ZNF606: variants seen among roughly 807,000 people sequenced by gnomAD.
The protein encoded by ZNF606 is zinc finger protein 606.
ZNF606 carries 37 observed loss-of-function variants against 74.9 expected under a neutral mutation model. The ratio of observed to expected loss-of-function variants is 0.49; its 90% CI spans 0.38 to 0.65. The LOEUF is 0.65. ZNF606 is among the 30% of genes least tolerant of loss of function. ZNF606 has a pLI of 0.00. For synonymous variants in ZNF606, 328 were observed against 312.4 expected, an observed-to-expected ratio of 1.05 and a Z score of -0.53; for missense variants, 852 against 952.9, an observed-to-expected ratio of 0.89 and a Z score of 1.39.
At position 57,979,739 on chromosome 19, in the gene ZNF606, T is replaced by C. The variant is rs1191556658; in HGVS notation, c.941A>G (p.Glu314Gly). 1.2e-6 allele frequency: 2 copies of C among 1,613,374 alleles called. No individual in the cohort carries two copies. The highest frequency in any genetic ancestry group is 1.7e-6 in the Non-Finnish European group (2 of 1,179,922). The change falls in exon 7 of 7, where the codon GAA becomes GGA. Residue 314 changes from glutamate (E) to glycine (G), a missense_variant. By Grantham distance (98) the Glu-to-Gly change is moderately conservative (BLOSUM62 -2). Around this residue, in one of 3 missense-constraint regions of ZNF606, gnomAD observed 545 missense variants for 542.5 expected, o/e 1.00. Transcript: ENST00000551380. ...FGDHKGIHTGEKLYEYKECHQ... is the reference protein window; with the variant it reads ...FGDHKGIHTGGKLYEYKECHQ... Reference sequence around the variant, plus strand: ...GCATTCCTTATATTCATAGAGTTTTTCTCCTGTGTGAATTCCTTTATGATC... The same window carrying C: ...GCATTCCTTATATTCATAGAGTTTTCCTCCTGTGTGAATTCCTTTATGATC...
At chr19:57,987,676 A>C (rs2073184794) in intron 6 of ZNF606, among the ~76,000 whole-genome samples, 1 of 151,944 alleles carries the variant, frequency 6.6e-6, no homozygotes, top group South Asian at 2.1e-4. Flanking sequence ...AAAAATACAA[A>C]AACTAGCCAG....
At chr19:57,989,597 C>T (rs908335077) in intron 4 of ZNF606, among the ~76,000 whole-genome samples, 7 of 151,892 alleles carry the variant, frequency 4.6e-5, no homozygotes, top group African/African-American at 1.4e-4. Context: ...TAGGCGTGCA[C>T]CACCCCGCCT....
chr19:57,988,760 C>A (rs372293302), intron 4 of ZNF606, 39 bp from the exon 5 acceptor site: 310 of 1,612,674 alleles, frequency 1.9e-4, no homozygotes, highest in Non-Finnish European at 2.5e-4. Flanking sequence ...CCTGTGACCA[C>A]CCCCTCCAAT....
At chr19:57,990,539 CAAAAAAAAAA>C (rs1028844010) in intron 4 of ZNF606, among the ~76,000 whole-genome samples, 1 of 51,932 alleles carries the variant, frequency 1.9e-5, no homozygotes, top group South Asian at 6.5e-4. Flanking sequence ...AACCCAGTCT[CAAAAAAAAAA>C]AAAAAAAAAA....
At chr19:57,988,099 G>A (rs966352692) in intron 6 of ZNF606, 108 bp downstream of exon 6, 17 of 793,106 alleles carry the variant, frequency 2.1e-5, no homozygotes, top group Non-Finnish European at 3.3e-5. Flanking sequence ...CTCCTTAGAG[G>A]GAATTCTAAA....
upstream of ZNF606, chr19:58,002,926 T>G (rs2073467546): frequency 4.4e-6 from 2 of 450,642 alleles, no homozygotes; most frequent in South Asian, 1.6e-5. Context: ...CGCCTCGCCC[T>G]GCCTGGGCGG....
At chr19:57,997,948 G>A (rs1412361907) in intron 4 of ZNF606, 2 of 152,158 alleles carry the variant, frequency 1.3e-5, no homozygotes, top group South Asian at 2.1e-4. Flanking sequence ...CTGGACCAGG[G>A]ATAGCAACAC....
At chr19:57,991,469 C>T (rs574247889) in intron 4 of ZNF606, among the ~76,000 whole-genome samples, 1 of 152,262 alleles carries the variant, frequency 6.6e-6, no homozygotes, top group African/African-American at 2.4e-5. Context: ...TTGATGACTA[C>T]TGTTTCTACA....
At chr19:57,990,590 C>T (rs2073243684) in intron 4 of ZNF606, among the ~76,000 whole-genome samples, 1 of 150,110 alleles carries the variant, frequency 6.7e-6, no homozygotes, top group South Asian at 2.1e-4. Context: ...GCTCAACAGA[C>T]ACGTGTGCAG....
chr19:57,999,713 A>C (rs2073387903), intron 4 of ZNF606, 95 bp downstream of exon 4: 2 of 1,320,778 alleles, frequency 1.5e-6, no homozygotes, highest in South Asian at 2.4e-5. Context: ...TCCCTACCCA[A>C]ACTCCAACTG....
In ZNF606 at chr19:57,977,358, C is replaced by A. The variant is rs2073005720; in HGVS notation, c.*943G>T. Reference sequence around the variant, plus strand: ...CACTTGGAAAGCATTTAAAAGAAAGCCCAGCACATAAGTGTTATATGTATT... The same window carrying A: ...CACTTGGAAAGCATTTAAAAGAAAGACCAGCACATAAGTGTTATATGTATT... On this transcript the variant is annotated 3_prime_UTR_variant, in exon 7 of 7. Transcript: ENST00000551380. 1 of 152,146 alleles carries A rather than the reference C, an allele frequency of 6.6e-6. No homozygotes were observed. The highest frequency in any genetic ancestry group is 2.1e-4 in the South Asian group (1 of 4,822). 9.4% of individuals were successfully genotyped at this position (152,146 alleles called of 1,614,324 possible). A position where few individuals can be genotyped will look rare whatever the true frequency, so the allele number is the denominator to read the frequency against.
chr19:57,978,736 T>C lies in ZNF606; in HGVS notation c.1944A>G (p.Gly648=). 2 of 1,614,210 alleles carry C rather than the reference T, an allele frequency of 1.2e-6. No individual in the cohort carries two copies. Among genetic ancestry groups the C allele is most frequent in the Non-Finnish European group, 1.7e-6 (2 of 1,180,038 alleles). The change falls in exon 7 of 7, where the codon GGA becomes GGG. Residue 648 remains glycine, a synonymous_variant. Transcript: ENST00000551380. The surrounding 1 kb of genome is among the most constrained non-coding windows in gnomAD (Gnocchi z 4.4). ...ATTTATTGCATTCATAGGGTTTTTCTCCAGTATGAGTCCTTTGATGTCTAA... is the reference window on the plus strand; with the variant it reads ...ATTTATTGCATTCATAGGGTTTTTCCCCAGTATGAGTCCTTTGATGTCTAA... The part of the protein sequence containing the change: ...HLVRHQRTHT[G]EKPYECNKCG...
At chr19:57,987,270 G>A (rs1199644796) in intron 6 of ZNF606, among the ~76,000 whole-genome samples, 1 of 152,052 alleles carries the variant, frequency 6.6e-6, no homozygotes, top group African/African-American at 2.4e-5. Context: ...TTTTCAGACA[G>A]GGTCTTGCTC....
rs746142793 is a variant in ZNF606, at chr19:58,002,485, G to A, written c.-141C>T. 12 of 453,934 alleles carry A rather than the reference G, an allele frequency of 2.6e-5. No homozygotes were observed. The highest frequency in any genetic ancestry group is 5.3e-5 in the Non-Finnish European group (12 of 225,658). The allele number at this position is 453,934 out of a possible 1,614,324, so 28.1% of individuals were successfully genotyped here. Reference sequence around the variant, plus strand: ...GCGTTTGGCTTTTGTCCCGCGCCGAGGTCCGGCCCAGGAGTGCGCTTGGGA... The same window carrying A: ...GCGTTTGGCTTTTGTCCCGCGCCGAAGTCCGGCCCAGGAGTGCGCTTGGGA... On this transcript the variant is annotated 5_prime_UTR_variant, in exon 1 of 7. Transcript: ENST00000551380.
chr19:57,982,371 T>C (rs976681140), intron 6 of ZNF606, among the ~76,000 whole-genome samples: 1 of 152,168 alleles, frequency 6.6e-6, no homozygotes, highest in African/African-American at 2.4e-5. Flanking sequence ...ACATTTAGAA[T>C]CCACTCAGAC....
chr19:57,992,986 G>T (rs1233698355), intron 4 of ZNF606, among the ~76,000 whole-genome samples: 2 of 152,166 alleles, frequency 1.3e-5, no homozygotes, highest in African/African-American at 4.8e-5. Flanking sequence ...GGATTACCCT[G>T]GATTATCCAG....
At chr19:57,999,646 A>T in intron 4 of ZNF606, 162 bp downstream of exon 4, 1 of 666,924 alleles carries the variant, frequency 1.5e-6, no homozygotes, top group Non-Finnish European at 2.6e-6. Context: ...GAATCACTAA[A>T]AACGGCCTAA....
At chr19:57,994,677 A>C (rs912515856) in intron 4 of ZNF606, among the ~76,000 whole-genome samples, 4 of 152,246 alleles carry the variant, frequency 2.6e-5, no homozygotes, top group Non-Finnish European at 5.9e-5. Flanking sequence ...TAAAGACATC[A>C]AAAGGTACTT....
chr19:57,999,996 A>G, intron 3 of ZNF606, 100 bp from the exon 4 acceptor site: 1 of 1,016,028 alleles, frequency 9.8e-7, no homozygotes, highest in Non-Finnish European at 1.4e-6. Flanking sequence ...TCCCCCTTGA[A>G]TGAGGAAAGA....
Sources: gnomAD v4.1 joint callset for allele counts (sites outside exome capture counted in the v4.1 genomes callset) on GRCh38, gnomAD v4.1.1 for gene constraint, gnomAD v4.1.1 regional missense constraint, Gnocchi (gnomAD v3.1) non-coding constraint, MANE v1.5 for transcripts, NCBI Gene and HGNC (gene_info 2026-07-23, HGNC 2026-07-21) for gene names.